The following SGK1 variants were observed in gnomAD, a reference collection of about 807,000 sequenced individuals.
The protein encoded by SGK1 is serine/threonine-protein kinase Sgk1.
SGK1 carries 26 observed loss-of-function variants against 64.2 expected under a neutral mutation model. That is an observed-to-expected ratio of 0.40 (90% CI 0.30 to 0.56). The LOEUF is 0.56. Among genes scored for constraint, SGK1 ranks in the 20% least tolerant of loss-of-function variants. SGK1 has a pLI of 0.38. For synonymous variants in SGK1, 265 were observed against 239.7 expected (o/e 1.11, Z -0.98); for missense variants, 519 against 645.6 (o/e 0.80, Z 2.12).
chr6:134,281,579 G>A (rs376791084), intron 1 of SGK1, among the ~76,000 whole-genome samples: 17 of 149,768 alleles, frequency 1.1e-4, no homozygotes, highest in South Asian at 8.4e-4. Context: ...GTGCAGTGGC[G>A]TAATCACAGC....
intron 2 of SGK1, among the ~76,000 whole-genome samples, chr6:134,247,072 T>C (rs920391677): frequency 5.9e-5 from 9 of 151,892 alleles, no homozygotes; most frequent in Non-Finnish European, 1.2e-4. Context: ...GCTGACAAAG[T>C]ATTGACGGGT....
Position 134,170,907 on chromosome 6 carries a change from A to T in SGK1, c.1332T>A (p.Ile444=). ...TTAAGGAGAAGAAGACATGACTCTT[A>T]ATCTCCATCTGTTGATAAGAAACCC... ...RLGAKDDFME[I]KSHVFFSLIN... is the part of the protein sequence containing the mutation. The change falls in exon 13 of 14, where the codon ATT becomes ATA. Residue 444 remains isoleucine, a synonymous_variant. Transcript: ENST00000367858. 6.2e-7 allele frequency: 1 copy of T among 1,609,800 alleles called. No individual in the cohort carries two copies. Among genetic ancestry groups the T allele is most frequent in the Non-Finnish European group, 8.5e-7 (1 of 1,176,100 alleles).
At chr6:134,278,137 C>A (rs1777044627) in intron 1 of SGK1, among the ~76,000 whole-genome samples, 1 of 152,162 alleles carries the variant, frequency 6.6e-6, no homozygotes, top group Admixed American at 6.5e-5. Flanking sequence ...ACTTGGAACT[C>A]TCTGTTTCTA....
At chr6:134,231,468 G>A (rs1304330337) in intron 2 of SGK1, among the ~76,000 whole-genome samples, 2 of 152,120 alleles carry the variant, frequency 1.3e-5, no homozygotes, top group African/African-American at 2.4e-5. Flanking sequence ...GCAAGGGTTC[G>A]GTAATGCTGG....
At chr6:134,195,918 CT>C (rs1424777021) in intron 3 of SGK1, among the ~76,000 whole-genome samples, 1 of 152,132 alleles carries the variant, frequency 6.6e-6, no homozygotes, top group Admixed American at 6.5e-5. Context: ...AAAATGCATT[CT>C]TCTTTCAAAC....
chr6:134,306,252 A>G (rs984150983), intron 1 of SGK1, among the ~76,000 whole-genome samples: 2 of 152,006 alleles, frequency 1.3e-5, no homozygotes, highest in African/African-American at 4.8e-5. Flanking sequence ...GTGAAACCCC[A>G]TCTCTACTAA....
chr6:134,206,373 ATATATATATATTTTTTTTTTTTTTTTTTT>A (rs1308684218), intron 3 of SGK1, among the ~76,000 whole-genome samples: 99 of 4,486 alleles, frequency 0.022, 1 homozygote, highest in Admixed American at 0.083. Flanking sequence ...ATATATATAT[ATATATATATATTTTTTTTTTTTTTTTTTT>A]TTTTTAAATG....
intron 1 of SGK1, chr6:134,282,982 A>C (rs886297605): frequency 6.6e-6 from 1 of 151,888 alleles, no homozygotes; most frequent in Non-Finnish European, 1.5e-5. Context: ...TGAATATTTG[A>C]ATAGCTGCTA....
In SGK1 at chr6:134,170,148, C is replaced by A; in HGVS notation, c.*120G>T. ...AACAGTGTGCAATAAGATTGCTAAGCTTCCAGAGATGTGCAAATTCTCTTG... is the reference window on the plus strand; with the variant it reads ...AACAGTGTGCAATAAGATTGCTAAGATTCCAGAGATGTGCAAATTCTCTTG... On this transcript the variant is annotated 3_prime_UTR_variant, in exon 14 of 14. Coordinates refer to ENST00000367858, the MANE Select transcript of SGK1 (RefSeq NM_001143676.3). 1.2e-6 allele frequency: 1 copy of A among 816,930 alleles called. No homozygotes were observed. The allele number at this position is 816,930 out of a possible 1,614,324, so 50.6% of individuals were successfully genotyped here.
intron 3 of SGK1, chr6:134,175,681 G>A: frequency 5.4e-6 from 8 of 1,479,602 alleles, no homozygotes; most frequent in Non-Finnish European, 7.2e-6. Flanking sequence ...GCGGCGGGGC[G>A]CGCGGCAGAC....
chr6:134,197,830 GAATAA>G (rs199753470), intron 3 of SGK1, among the ~76,000 whole-genome samples: 27 of 128,720 alleles, frequency 2.1e-4, no homozygotes, highest in African/African-American at 5.9e-4. Context: ...CCATCTCAAA[GAATAA>G]AATAAAATAA....
At chr6:134,308,409 C>T (rs1438079071) in intron 1 of SGK1, among the ~76,000 whole-genome samples, 2 of 152,108 alleles carry the variant, frequency 1.3e-5, no homozygotes, top group Non-Finnish European at 2.9e-5. Flanking sequence ...TTTCACCTTG[C>T]TATTTCTAGA....
At chr6:134,174,393 A>G in intron 4 of SGK1, 118 bp downstream of exon 4, 2 of 695,724 alleles carry the variant, frequency 2.9e-6, no homozygotes, top group Non-Finnish European at 2.5e-6. Context: ...TTTAAGGAGA[A>G]ATGAGATCCC....
chr6:134,290,986 G>T (rs1314829101), intron 1 of SGK1, among the ~76,000 whole-genome samples: 1 of 152,212 alleles, frequency 6.6e-6, no homozygotes, highest in East Asian at 1.9e-4. Flanking sequence ...TAGGGAAGAA[G>T]ATGATGAGAA....
At chr6:134,275,872 A>C (rs979036071) in intron 1 of SGK1, among the ~76,000 whole-genome samples, 1 of 152,204 alleles carries the variant, frequency 6.6e-6, no homozygotes, top group Non-Finnish European at 1.5e-5. Flanking sequence ...AACTTGGGAA[A>C]GCCATTGTCT....
chr6:134,298,314 C>T, intron 1 of SGK1: 1 of 1,571,708 alleles, frequency 6.4e-7, no homozygotes, highest in South Asian at 1.1e-5. Context: ...CTGTCTTCTG[C>T]TGCTGCAGGA....
At chr6:134,182,459 G>A (rs1455651571) in intron 3 of SGK1, among the ~76,000 whole-genome samples, 1 of 150,514 alleles carries the variant, frequency 6.6e-6, no homozygotes, top group Non-Finnish European at 1.5e-5. Context: ...TTATGCCACT[G>A]CACTCCAGCC....
chr6:134,250,559 G>A (rs1776592066), intron 2 of SGK1, among the ~76,000 whole-genome samples: 1 of 152,166 alleles, frequency 6.6e-6, no homozygotes, highest in Non-Finnish European at 1.5e-5. Context: ...GCACATTTAG[G>A]TGTTTATCCA....
chr6:134,227,508 G>T (rs557824477), intron 2 of SGK1, among the ~76,000 whole-genome samples: 2 of 152,336 alleles, frequency 1.3e-5, no homozygotes, highest in Non-Finnish European at 2.9e-5. Flanking sequence ...ACTCACTCAG[G>T]ACAGAAAAGT....
Sources: gnomAD v4.1 joint callset for allele counts (sites outside exome capture counted in the v4.1 genomes callset) on GRCh38, gnomAD v4.1.1 for gene constraint, MANE v1.5 for transcripts, NCBI Gene and HGNC (gene_info 2026-07-23, HGNC 2026-07-21) for gene names.